Variants in MPP4 observed in about 807,000 individuals in gnomAD.
MPP4 encodes MAGUK p55 scaffold protein 4, also known as MAGUK p55 subfamily member 4.
MPP4 carries 91 observed loss-of-function variants against 98.3 expected under a neutral mutation model. That is an observed-to-expected ratio of 0.93 (90% CI 0.78 to 1.10). The LOEUF (loss-of-function observed/expected upper bound fraction) is 1.10. Ranked by LOEUF, MPP4 falls within the 50% of genes least tolerant of loss-of-function variation. The pLI is 0.00. For missense variants in MPP4, 744 were observed against 792.9 expected (o/e 0.94, Z 0.74); for synonymous variants, 261 against 271.8 (o/e 0.96, Z 0.39).
intron 13 of MPP4, among the ~76,000 whole-genome samples, chr2:201,664,615 T>G (rs1417021225): frequency 6.6e-6 from 1 of 152,180 alleles, no homozygotes; most frequent in South Asian, 2.1e-4. Context: ...AACTTCCGCA[T>G]TAGTTAAAAC....
intron 2 of MPP4, 31 bp from the exon 3 acceptor site, chr2:201,693,060 GC>G (rs1559020321): frequency 6.2e-7 from 1 of 1,600,274 alleles, no homozygotes; most frequent in African/African-American, 1.3e-5. Context: ...AGATGGGGTG[GC>G]AGGTGCGGGT....
chr2:201,675,258 AT>A lies in MPP4; in HGVS notation c.942del (p.Glu314AspfsTer28). The A allele has an allele frequency of 6.2e-7, 1 of 1,609,070 alleles. No homozygotes were observed. The highest frequency in any genetic ancestry group is 8.5e-7 in the Non-Finnish European group (1 of 1,177,872). The stretch of plus-strand genomic sequence containing the variant: ...GGCTGGTACGGCTGAGACCACCAGA[AT>A]TCCCGTTGCTTCCTATGGGGGGGAA... Reference protein sequence around the residue: ...SNHLLKRKQREFWWSQPYQPH... With the variant: ...SNHLLKRKQRXFWWSQPYQPH... On this transcript the variant is annotated frameshift_variant, in exon 11 of 22. Transcript: ENST00000409474. LOFTEE classifies it high-confidence loss of function.
Position 201,650,106 on chromosome 2 carries a change from T to G in MPP4, c.1441A>C (p.Lys481Gln). The G allele has an allele frequency of 6.3e-7, 1 of 1,580,782 alleles. No homozygotes were observed. The highest frequency in any genetic ancestry group is 8.6e-7 in the Non-Finnish European group (1 of 1,161,170). The change falls in exon 19 of 22, where the codon AAG becomes CAG. Residue 481 changes from lysine (K) to glutamine (Q), a missense_variant. Transcript: ENST00000409474. ...TATATGAGGTTTTCAAATGTTTCCTTGGACACATAGTGATACTCACGCCCA... is the reference window on the plus strand; with the variant it reads ...TATATGAGGTTTTCAAATGTTTCCTGGGACACATAGTGATACTCACGCCCA... Reference protein sequence around the residue: ...MNGREYHYVSKETFENLIYSH... With the variant: ...MNGREYHYVSQETFENLIYSH...
chr2:201,648,156 G>A (rs1270542246), intron 20 of MPP4, among the ~76,000 whole-genome samples: 1 of 152,190 alleles, frequency 6.6e-6, no homozygotes, highest in East Asian at 1.9e-4. Context: ...TCTAGTAGCT[G>A]GGATTATAGG....
intron 18 of MPP4, chr2:201,651,048 G>T: frequency 1.0e-6 from 1 of 985,336 alleles, no homozygotes. Flanking sequence ...GAGTAAGACA[G>T]TTTCAACTCT....
At chr2:201,685,040 T>G (rs2105942631) in intron 7 of MPP4, 24 bp downstream of exon 7, 1 of 1,601,106 alleles carries the variant, frequency 6.2e-7, no homozygotes, top group East Asian at 2.3e-5. Flanking sequence ...CTGGTAACTC[T>G]CAATCCCAGC....
At chr2:201,671,207 A>G (rs894234534) in intron 11 of MPP4, among the ~76,000 whole-genome samples, 2 of 152,056 alleles carry the variant, frequency 1.3e-5, no homozygotes, top group African/African-American at 4.8e-5. Context: ...CTGGAATACC[A>G]GCAAGACAGA....
At chr2:201,691,314 C>T (rs1689017379) in intron 3 of MPP4, among the ~76,000 whole-genome samples, 1 of 152,132 alleles carries the variant, frequency 6.6e-6, no homozygotes, top group African/African-American at 2.4e-5. Context: ...GACCACATTT[C>T]ACACTTAAGT....
At chr2:201,654,457 T>C (rs569271135) in intron 18 of MPP4, among the ~76,000 whole-genome samples, 1 of 152,270 alleles carries the variant, frequency 6.6e-6, no homozygotes, top group South Asian at 2.1e-4. Context: ...AAAAAAGCCA[T>C]TTTAGACTGT....
chr2:201,685,809 G>T, intron 6 of MPP4, 110 bp downstream of exon 6: 2 of 1,313,108 alleles, frequency 1.5e-6, no homozygotes, highest in Non-Finnish European at 2.1e-6. Context: ...TATTATCACT[G>T]TATATGTGAT....
chr2:201,696,185 T>C (rs1689175926), intron 1 of MPP4, among the ~76,000 whole-genome samples: 1 of 152,254 alleles, frequency 6.6e-6, no homozygotes, highest in Non-Finnish European at 1.5e-5. Flanking sequence ...TGCTAGGTTC[T>C]ACCAAAGCTT....
At chr2:201,690,579 G>A (rs767709757) in intron 3 of MPP4, among the ~76,000 whole-genome samples, 56 of 152,276 alleles carry the variant, frequency 3.7e-4, no homozygotes, top group Non-Finnish European at 7.4e-4. Flanking sequence ...AGTGAGGGTA[G>A]GGTGTCTGGG....
At chr2:201,654,070 A>G (rs1162070747) in intron 18 of MPP4, among the ~76,000 whole-genome samples, 1 of 151,816 alleles carries the variant, frequency 6.6e-6, no homozygotes, top group Non-Finnish European at 1.5e-5. Flanking sequence ...TCCGCCTCCC[A>G]GGTTTAAGCG....
chr2:201,661,517 G>T (rs1417497409), intron 14 of MPP4: 1 of 456,390 alleles, frequency 2.2e-6, no homozygotes. Flanking sequence ...TTCCAGCTGA[G>T]AGGAGTCCAC....
intron 13 of MPP4, 32 bp downstream of exon 13, chr2:201,666,302 C>G (rs961487814): frequency 6.5e-7 from 1 of 1,529,838 alleles, no homozygotes; most frequent in Admixed American, 2.1e-5. Context: ...CATATTTCTT[C>G]TAACAGCAAA....
Position 201,688,528 on chromosome 2 carries a change from T to C in MPP4, c.280-1157A>G, listed in dbSNP as rs559440779. Among the ~76,000 whole-genome samples, 16 of 152,300 alleles carry C rather than the reference T, an allele frequency of 1.1e-4. No individual in the cohort carries two copies. The East Asian group carries it at 3.1e-3, about 29-fold the overall frequency. On this transcript the variant is annotated intron_variant, in intron 4 of 21. Coordinates refer to ENST00000409474, the MANE Select transcript of MPP4 (RefSeq NM_033066.3). The stretch of plus-strand genomic sequence containing the variant: ...AAGGAGATGAGGGACAGATCAGGTA[T>C]ATATCTGGGCAAGAGCATTGCTGAC...
chr2:201,681,351 G>T, intron 9 of MPP4, 145 bp downstream of exon 9: 1 of 713,820 alleles, frequency 1.4e-6, no homozygotes. Flanking sequence ...TTTGCTTCTC[G>T]GGCCATCAGT....
intron 18 of MPP4, 196 bp from the exon 19 acceptor site, chr2:201,650,361 C>T (rs989308411): frequency 1.0e-6 from 1 of 985,296 alleles, no homozygotes; most frequent in African/African-American, 1.7e-5. Flanking sequence ...TAAACCTTTA[C>T]TGAGTGCTTA....
At chr2:201,664,206 AC>A in intron 13 of MPP4, 105 bp from the exon 14 acceptor site, 1 of 1,500,056 alleles carries the variant, frequency 6.7e-7, no homozygotes, top group Non-Finnish European at 9.0e-7. Context: ...CTGCCCATAC[AC>A]CACCTTTGTA....
Sources: gnomAD v4.1 joint callset for allele counts (sites outside exome capture counted in the v4.1 genomes callset) on GRCh38, gnomAD v4.1.1 for gene constraint, MANE v1.5 for transcripts, NCBI Gene and HGNC (gene_info 2026-07-23, HGNC 2026-07-21) for gene names.